The following LAS1L variants were observed in gnomAD, a reference collection of about 807,000 sequenced individuals.
LAS1L encodes the protein ribosomal biogenesis protein LAS1L.
LAS1L carries 5 observed loss-of-function variants against 57.3 expected under a neutral mutation model. The ratio of observed to expected loss-of-function variants is 0.09; its 90% confidence interval spans 0.05 to 0.18. The LOEUF (loss-of-function observed/expected upper bound fraction) is 0.18. Among genes scored for constraint, LAS1L ranks in the 10% least tolerant of loss-of-function variants. LAS1L has a pLI of 1.00. For missense variants in LAS1L, 360 were observed against 568.3 expected (o/e 0.63, Z 3.73); for synonymous variants, 245 against 231.7 (o/e 1.06, Z -0.52).
In LAS1L at chrX:65,532,582, G is replaced by A. The variant is rs2069553728; in HGVS notation, c.411C>T (p.Pro137=). The A allele has an allele frequency of 1.7e-6, 2 of 1,207,789 alleles. No homozygotes were observed. The highest frequency in any genetic ancestry group is 2.2e-6 in the Non-Finnish European group (2 of 892,624). The change falls in exon 3 of 14, where the codon CCC becomes CCT. Residue 137 remains proline, a synonymous_variant. Transcript: ENST00000374811. ...SERKTKFAKV[P]LKCLAQEVNI... The stretch of plus-strand genomic sequence containing the variant: ...GCACCTCTTGAGCCAGACACTTGAG[G>A]GGGACCTTGGCAAACTTTGTCTTCC...
intron 13 of LAS1L, 68 bp downstream of exon 13, chrX:65,514,755 T>C (rs2068570797): frequency 3.8e-6 from 4 of 1,047,912 alleles, no homozygotes; most frequent in South Asian, 2.4e-5. Context: ...CCACCTCACC[T>C]TGTCTTCTCT....
chrX:65,526,808 T>C (rs2069166767), intron 7 of LAS1L, among the ~76,000 whole-genome samples: 1 of 111,629 alleles, frequency 9.0e-6, no homozygotes, highest in African/African-American at 3.3e-5. Flanking sequence ...CAGCCATACT[T>C]GAGAGACAAG....
At chrX:65,526,422 T>A (rs1213056589) in intron 7 of LAS1L, among the ~76,000 whole-genome samples, 2 of 111,806 alleles carry the variant, frequency 1.8e-5, no homozygotes, top group Non-Finnish European at 3.8e-5. Context: ...TTTTCCCAGC[T>A]GCTAATGAAG....
At chrX:65,527,758 G>A (rs189357041) in intron 7 of LAS1L, among the ~76,000 whole-genome samples, 2 of 108,524 alleles carry the variant, frequency 1.8e-5, no homozygotes, top group African/African-American at 6.7e-5. Flanking sequence ...ACTTGAACCC[G>A]GGAGGTGGAG....
Position 65,528,269 on chromosome X carries a change from C to T in LAS1L, c.947G>A (p.Cys316Tyr), listed in dbSNP as rs752507559. ...TTACCTAGTTACACACCTGTTCTCG[C>T]ATGTAACGCCCTTGAGCTCTGCCAG... ...CVLAELKGVT[C>Y]ENREAVLDAF... The change falls in exon 7 of 14, where the codon TGC becomes TAC. Residue 316 changes from cysteine (C) to tyrosine (Y), a missense_variant. Around this residue, in one of 7 missense-constraint regions of LAS1L, gnomAD observed 81 missense variants for 192.1 expected, o/e 0.42. Transcript: ENST00000374811. The T allele has an allele frequency of 5.0e-5, 59 of 1,182,877 alleles. No homozygotes were observed. The highest frequency in any genetic ancestry group is 6.6e-5 in the Non-Finnish European group (58 of 872,701).
At chrX:65,531,884 G>A (rs2069514203) in intron 3 of LAS1L, among the ~76,000 whole-genome samples, 1 of 112,147 alleles carries the variant, frequency 8.9e-6, no homozygotes, top group Non-Finnish European at 1.9e-5. Flanking sequence ...TCACGCCACT[G>A]CACTCCAGCT....
At chrX:65,527,082 C>A (rs1018074740) in intron 7 of LAS1L, among the ~76,000 whole-genome samples, 3 of 105,878 alleles carry the variant, frequency 2.8e-5, no homozygotes, top group Non-Finnish European at 5.9e-5. Flanking sequence ...TGTGGTGGTA[C>A]GTGCCTGTAG....
intron 11 of LAS1L, among the ~76,000 whole-genome samples, chrX:65,520,134 A>T (rs1473714141): frequency 9.0e-6 from 1 of 111,641 alleles, no homozygotes; most frequent in African/African-American, 3.3e-5. Context: ...GGTGATGCGA[A>T]TCTTAAAATA....
chrX:65,524,516 AAAC>A, intron 9 of LAS1L, 45 bp downstream of exon 9: 1 of 519,548 alleles, frequency 1.9e-6, no homozygotes, highest in Non-Finnish European at 3.5e-6. Context: ...AATAAAGTAT[AAAC>A]AAAACAGAGA....
intron 7 of LAS1L, among the ~76,000 whole-genome samples, chrX:65,526,404 G>A (rs2069144924): frequency 8.9e-6 from 1 of 111,841 alleles, no homozygotes; most frequent in South Asian, 3.7e-4. Flanking sequence ...ACTGTGTTAG[G>A]GGCATAGTTT....
intron 7 of LAS1L, among the ~76,000 whole-genome samples, chrX:65,525,337 T>C (rs2069071637): frequency 8.9e-6 from 1 of 111,897 alleles, no homozygotes; most frequent in South Asian, 3.7e-4. Flanking sequence ...AGCAGTAGTG[T>C]CTGAATACAC....
At chrX:65,530,401 G>A (rs1243106582) in intron 4 of LAS1L, among the ~76,000 whole-genome samples, 2 of 111,312 alleles carry the variant, frequency 1.8e-5, no homozygotes, top group Admixed American at 9.5e-5. Flanking sequence ...GGGAGTGGCC[G>A]GGCACTGTGG....
chrX:65,523,944 C>T, intron 10 of LAS1L, 112 bp downstream of exon 10: 1 of 832,239 alleles, frequency 1.2e-6, no homozygotes, highest in Non-Finnish European at 1.7e-6. Flanking sequence ...AAACCTAAAC[C>T]TTTAACACGG....
intron 11 of LAS1L, chrX:65,520,848 C>T (rs745787269): frequency 1.1e-5 from 8 of 754,539 alleles, no homozygotes; most frequent in Non-Finnish European, 1.3e-5. Context: ...TGAAGGCCAC[C>T]TATCCAAACC....
intron 3 of LAS1L, 39 bp downstream of exon 3, chrX:65,532,522 T>G: frequency 2.8e-6 from 3 of 1,088,173 alleles, no homozygotes; most frequent in Non-Finnish European, 3.8e-6. Flanking sequence ...TGAGCCCTCT[T>G]GGAGACAGAA....
chrX:65,529,963 G>A, intron 4 of LAS1L, 85 bp from the exon 5 acceptor site: 1 of 901,225 alleles, frequency 1.1e-6, no homozygotes, highest in South Asian at 2.4e-5. Context: ...ATTATAGGAA[G>A]GCCCCAGGAA....
At chrX:65,533,564 C>T in intron 2 of LAS1L, 46 bp downstream of exon 2, 1 of 1,192,486 alleles carries the variant, frequency 8.4e-7, no homozygotes, top group Non-Finnish European at 1.1e-6. Context: ...TCCCCTGCCT[C>T]CAGTCCCCAA....
chrX:65,516,636 T>TACACACACAC (rs57356313), intron 12 of LAS1L, among the ~76,000 whole-genome samples: 3 of 89,568 alleles, frequency 3.3e-5, no homozygotes, highest in Admixed American at 1.3e-4. Context: ...CTTTTTCCTA[T>TACACACACAC]ACACACACAC....
Position 65,515,091 on chromosome X carries a change from G to T in LAS1L, c.1928-118C>A, listed in dbSNP as rs768822415. 7 of 639,629 alleles carry T rather than the reference G, an allele frequency of 1.1e-5. No homozygotes were observed. In the East Asian group the frequency reaches 2.2e-4, roughly 21 times the overall value. 52.7% of individuals were successfully genotyped at this position (639,629 alleles called of 1,213,427 possible). ...ACTTAGCACAGGTGGGCTCTCTCAG[G>T]ATCTCCAGCTTCACTGCTCTCGGTA... is the stretch of plus-strand genomic sequence containing the variant. On this transcript the variant is annotated intron_variant, in intron 12 of 13. Transcript: ENST00000374811.
Sources: gnomAD v4.1 joint callset for allele counts (sites outside exome capture counted in the v4.1 genomes callset) on GRCh38, gnomAD v4.1.1 for gene constraint, gnomAD v4.1.1 regional missense constraint, MANE v1.5 for transcripts, NCBI Gene and HGNC (gene_info 2026-07-23, HGNC 2026-07-21) for gene names.